GRIP1: variants seen among roughly 807,000 people sequenced by gnomAD.
The protein encoded by GRIP1 is glutamate receptor-interacting protein 1.
GRIP1 carries 45 observed loss-of-function variants against 129.9 expected under a neutral mutation model. The observed-to-expected ratio is 0.35, with a 90% CI of 0.27 to 0.44. The LOEUF (loss-of-function observed/expected upper bound fraction) is 0.44, where lower values mean the gene tolerates loss of function less well. GRIP1 is among the 20% of genes least tolerant of loss of function. The probability of loss-of-function intolerance (pLI) is 1.00; values close to 1 mark genes in which losing one functional copy is unlikely to be tolerated. For synonymous variants in GRIP1, 530 were observed against 520.8 expected, an observed-to-expected ratio of 1.02 and a Z score of -0.24; for missense variants, 1,196 against 1,396.8, an observed-to-expected ratio of 0.86 and a Z score of 2.29.
Position 66,454,119 on chromosome 12 carries a change from T to C in GRIP1, c.1354+1290A>G, listed in dbSNP as rs116229160. ...ACAGTGGTGACCCTGTCTTATGCAA[T>C]GGAGTTCACTGTAGGGAAAGCTTCA... On this transcript the variant is annotated intron_variant, in intron 11 of 24. Transcript: ENST00000359742. Among the ~76,000 whole-genome samples the C allele has an allele frequency of 1.9e-3, 284 of 152,340 alleles. 2 individuals are homozygous for C. Among genetic ancestry groups the C allele is most frequent in the African/African-American group, 6.3e-3 (260 of 41,574 alleles).
At chr12:66,778,378 AG>A (rs1159781690) in intron 1 of GRIP1, among the ~76,000 whole-genome samples, 2 of 152,216 alleles carry the variant, frequency 1.3e-5, no homozygotes, top group African/African-American at 4.8e-5. Flanking sequence ...AACTTCTCTG[AG>A]CCTTAGTTTC....
At chr12:66,790,310 A>C (rs2038488482) in intron 1 of GRIP1, among the ~76,000 whole-genome samples, 1 of 152,178 alleles carries the variant, frequency 6.6e-6, no homozygotes, top group Non-Finnish European at 1.5e-5. Context: ...CAGAATCATG[A>C]ATATAAGTAC....
intron 1 of GRIP1, among the ~76,000 whole-genome samples, chr12:66,773,535 C>A (rs1824205800): frequency 6.6e-6 from 1 of 152,044 alleles, no homozygotes; most frequent in Admixed American, 6.5e-5. Flanking sequence ...GGGAGGGGAT[C>A]ATCACACACC....
Position 66,972,951 on chromosome 12 carries a change from G to A in GRIP1, c.58+96099C>T, listed in dbSNP as rs11176509. On this transcript the variant is annotated intron_variant, in intron 1 of 1. Coordinates refer to the GRIP1 transcript ENST00000643019. The stretch of plus-strand genomic sequence containing the variant: ...AACAGGGTCCGGGGTGAAAAGAGAA[G>A]ATGAAAGAAAAATGGGATACAATGG... Among the ~76,000 whole-genome samples, 343 of 152,254 alleles carry A rather than the reference G, an allele frequency of 2.3e-3. 12 individuals carry two copies. In the East Asian group the frequency reaches 0.055, roughly 24 times the overall value.
At chr12:66,398,553 G>C (rs2056876721) in intron 16 of GRIP1, among the ~76,000 whole-genome samples, 1 of 151,966 alleles carries the variant, frequency 6.6e-6, no homozygotes, top group African/African-American at 2.4e-5. Context: ...CCTTCAGAAA[G>C]GCTTCCTGGT....
At chr12:66,720,832 C>A (rs977518780) in intron 1 of GRIP1, among the ~76,000 whole-genome samples, 1 of 152,120 alleles carries the variant, frequency 6.6e-6, no homozygotes, top group Non-Finnish European at 1.5e-5. Flanking sequence ...CCCTCAAAGT[C>A]ATTTATGAGG....
intron 2 of GRIP1, among the ~76,000 whole-genome samples, chr12:66,580,017 G>A (rs1400325719): frequency 6.7e-6 from 1 of 148,600 alleles, no homozygotes; most frequent in East Asian, 2.0e-4. Context: ...GAAAGGTCGG[G>A]TTACCCACAA....
chr12:66,984,779 T>C (rs1835880570), intron 1 of GRIP1, among the ~76,000 whole-genome samples: 1 of 152,192 alleles, frequency 6.6e-6, no homozygotes, highest in South Asian at 2.1e-4. Context: ...ACAGCCCCTC[T>C]TATAGAGATG....
chr12:66,908,892 A>C (rs1290694423), intron 1 of GRIP1, among the ~76,000 whole-genome samples: 1 of 152,192 alleles, frequency 6.6e-6, no homozygotes, highest in Non-Finnish European at 1.5e-5. Context: ...ATTTAAGAGG[A>C]GCCAAATGAA....
At chr12:66,656,101 A>G (rs562265550) in intron 1 of GRIP1, among the ~76,000 whole-genome samples, 15 of 152,138 alleles carry the variant, frequency 9.9e-5, no homozygotes, top group Non-Finnish European at 2.1e-4. Flanking sequence ...ATAGACTCTG[A>G]GGTTTTTGAG....
At chr12:66,882,456 C>A (rs762726579) in intron 1 of GRIP1, among the ~76,000 whole-genome samples, 3 of 152,124 alleles carry the variant, frequency 2.0e-5, no homozygotes, top group Non-Finnish European at 2.9e-5. Flanking sequence ...GCCAGCCGAG[C>A]TGAACCGAAG....
intron 7 of GRIP1, among the ~76,000 whole-genome samples, chr12:66,490,100 G>A (rs574755924): frequency 1.1e-4 from 16 of 152,060 alleles, no homozygotes; most frequent in East Asian, 5.8e-4. Context: ...AACTACCATC[G>A]ACATCCTTCA....
intron 1 of GRIP1, among the ~76,000 whole-genome samples, 178 bp downstream of exon 1, chr12:66,678,672 G>C (rs191240460): frequency 3.9e-5 from 6 of 151,968 alleles, no homozygotes; most frequent in Admixed American, 2.0e-4. Context: ...CGAGATGTAA[G>C]GACAGAAAGC....
At chr12:66,627,435 T>C (rs74100524) in intron 1 of GRIP1, among the ~76,000 whole-genome samples, 2 of 152,354 alleles carry the variant, frequency 1.3e-5, no homozygotes, top group African/African-American at 4.8e-5. Flanking sequence ...TATTGAATAT[T>C]TTCCATGTGT....
intron 5 of GRIP1, among the ~76,000 whole-genome samples, chr12:66,518,724 C>A (rs191465445): frequency 1.6e-4 from 25 of 152,288 alleles, no homozygotes; most frequent in Middle Eastern, 6.8e-3. Context: ...GCTGCTCACT[C>A]CACATTTGGA....
chr12:66,802,678 G>T (rs931259671), intron 1 of GRIP1, among the ~76,000 whole-genome samples: 3 of 152,062 alleles, frequency 2.0e-5, no homozygotes, highest in Non-Finnish European at 4.4e-5. Context: ...AGTATATATT[G>T]ACTGCAAAAA....
At chr12:66,651,249 T>C (rs764451075) in intron 1 of GRIP1, among the ~76,000 whole-genome samples, 22 of 152,330 alleles carry the variant, frequency 1.4e-4, no homozygotes, top group East Asian at 3.9e-4. Flanking sequence ...TTTATCTCCT[T>C]AAATTTACAT....
At chr12:66,820,196 G>C (rs1329977553) in intron 1 of GRIP1, among the ~76,000 whole-genome samples, 1 of 152,234 alleles carries the variant, frequency 6.6e-6, no homozygotes, top group African/African-American at 2.4e-5. Context: ...ATATCACGAG[G>C]TCAGGTGATC....
At chr12:66,946,775 G>GGT (rs1555254337) in intron 1 of GRIP1, among the ~76,000 whole-genome samples, 36 of 112,286 alleles carry the variant, frequency 3.2e-4, no homozygotes, top group African/African-American at 1.1e-3. Context: ...TCGGGGGGTG[G>GGT]GGTGGGGGAT....
Sources: gnomAD v4.1 joint callset for allele counts (sites outside exome capture counted in the v4.1 genomes callset) on GRCh38, gnomAD v4.1.1 for gene constraint, MANE v1.5 for transcripts, NCBI Gene and HGNC (gene_info 2026-07-23, HGNC 2026-07-21) for gene names.